The following ARHGAP27 variants were observed in gnomAD, a reference collection of about 807,000 sequenced individuals.
ARHGAP27 encodes rho GTPase-activating protein 27.
A neutral mutation model predicts 102.0 loss-of-function variants in ARHGAP27; 53 were observed. The observed-to-expected ratio is 0.52, with a 90% CI of 0.42 to 0.65. ARHGAP27 has a LOEUF of 0.65. Among genes scored for constraint, ARHGAP27 ranks in the 30% least tolerant of loss-of-function variants. The probability of loss-of-function intolerance (pLI) is 0.00; values close to 1 mark genes in which losing one functional copy is unlikely to be tolerated. For missense variants in ARHGAP27, 1,117 were observed against 1,256.2 expected, an observed-to-expected ratio of 0.89 and a Z score of 1.68; for synonymous variants, 525 against 542.8, an observed-to-expected ratio of 0.97 and a Z score of 0.46.
At chr17:45,397,856 G>T in intron 13 of ARHGAP27, 93 bp downstream of exon 13, 1 of 1,134,900 alleles carries the variant, frequency 8.8e-7, no homozygotes, top group South Asian at 1.7e-5. Context: ...ATTACCCACT[G>T]GTACCTTAGA....
intron 4 of ARHGAP27, chr17:45,409,935 A>C: frequency 2.4e-6 from 1 of 420,490 alleles, no homozygotes; most frequent in Non-Finnish European, 4.2e-6. Flanking sequence ...CCAGAGGAGG[A>C]GCCAAGAGGG....
chr17:45,404,829 G>C (rs1178246385), intron 6 of ARHGAP27, 95 bp downstream of exon 6: 5 of 1,569,814 alleles, frequency 3.2e-6, no homozygotes, highest in Non-Finnish European at 4.4e-6. Flanking sequence ...CTCTGTGTGG[G>C]AGCTGCGGTT....
chr17:45,428,056 C>T (rs2049780930), intron 4 of ARHGAP27, among the ~76,000 whole-genome samples: 1 of 152,240 alleles, frequency 6.6e-6, no homozygotes, highest in Non-Finnish European at 1.5e-5. Flanking sequence ...TCTCAACACA[C>T]ACTCTCTGTG....
rs991470580 is a variant in ARHGAP27, at chr17:45,430,899, T to C, written c.-18-602A>G. ...TGGGGGCTGTCGCTGCCCCCCTTAG[T>C]CCGAGGGCCTTGCTGTAGAGGCCTC... On this transcript the variant is annotated intron_variant, in intron 3 of 19. Coordinates refer to ENST00000685559, the MANE Select transcript of ARHGAP27 (RefSeq NM_001282290.2). The surrounding 1 kb of genome is among the most constrained non-coding windows in gnomAD (Gnocchi z 4.4). 6.6e-6 allele frequency among the ~76,000 whole-genome samples: 1 copy of C among 152,002 alleles called. No homozygotes were observed. Among genetic ancestry groups the C allele is most frequent in the African/African-American group, 2.4e-5 (1 of 41,374 alleles).
At chr17:45,419,084 G>A (rs1455068203) in intron 4 of ARHGAP27, among the ~76,000 whole-genome samples, 1 of 152,156 alleles carries the variant, frequency 6.6e-6, no homozygotes, top group African/African-American at 2.4e-5. Flanking sequence ...GGAACAGAGA[G>A]AACCACCAAA....
At chr17:45,428,026 G>A (rs561216522) in intron 4 of ARHGAP27, among the ~76,000 whole-genome samples, 77 of 152,330 alleles carry the variant, frequency 5.1e-4, no homozygotes, top group African/African-American at 1.6e-3. Flanking sequence ...ATAGGTAAAG[G>A]GCTGCCGCAC....
In ARHGAP27 at chr17:45,431,671, C is replaced by T; in HGVS notation, c.-69G>A. ...CCATGGGCTGGGTGGGCGGAGCCGGCGGTGGCTGCAGGTTAGGCCCCTACC... is the reference window on the plus strand; with the variant it reads ...CCATGGGCTGGGTGGGCGGAGCCGGTGGTGGCTGCAGGTTAGGCCCCTACC... On this transcript the variant is annotated 5_prime_UTR_variant, in exon 3 of 20. Coordinates refer to ENST00000685559, the MANE Select transcript of ARHGAP27 (RefSeq NM_001282290.2). The T allele has an allele frequency of 5.7e-6, 1 of 175,012 alleles. No individual in the cohort carries two copies. Among genetic ancestry groups the T allele is most frequent in the East Asian group, 1.9e-4 (1 of 5,260 alleles). The allele number at this position is 175,012 out of a possible 1,614,324, so 10.8% of individuals were successfully genotyped here. A position where few individuals can be genotyped will look rare whatever the true frequency, so the allele number is the denominator to read the frequency against.
chr17:45,413,096 C>T (rs1294261847), intron 4 of ARHGAP27, among the ~76,000 whole-genome samples: 1 of 147,230 alleles, frequency 6.8e-6, no homozygotes, highest in Non-Finnish European at 1.5e-5. Flanking sequence ...TCTCCTGCCT[C>T]AGCTTCCTGA....
At chr17:45,419,932 T>C (rs2048872237) in intron 4 of ARHGAP27, among the ~76,000 whole-genome samples, 2 of 152,210 alleles carry the variant, frequency 1.3e-5, no homozygotes, top group African/African-American at 4.8e-5. Flanking sequence ...ATACATTTTA[T>C]GGTCAGGTTG....
At position 45,402,886 on chromosome 17, in the gene ARHGAP27, C is replaced by T. The variant is rs2046613395; in HGVS notation, c.1639-68G>A. On this transcript the variant is annotated intron_variant, in intron 11 of 19. Transcript: ENST00000685559. The stretch of plus-strand genomic sequence containing the variant: ...ATGTGTCTGCTGTGGCACTCTGACC[C>T]TAGGAATAGGATGGGGTCACTGGCA... 4 of 1,364,338 alleles carry T rather than the reference C, an allele frequency of 2.9e-6. No homozygotes were observed. In the South Asian group the frequency reaches 3.6e-5, roughly 12 times the overall value. The allele number at this position is 1,364,338 out of a possible 1,614,324, so 84.5% of individuals were successfully genotyped here.
At position 45,396,232 on chromosome 17, in the gene ARHGAP27, C is replaced by A. The variant is rs759726287; in HGVS notation, c.2226G>T (p.Gln742His). 15 of 1,613,502 alleles carry A rather than the reference C, an allele frequency of 9.3e-6. No homozygotes were observed. Among genetic ancestry groups the A allele is most frequent in the Non-Finnish European group, 1.3e-5 (15 of 1,179,744 alleles). ...CGTGGTCCACCTTATAGCGTAGCTT[C>A]TGGATGGTGGCCAGGTTTCCACTGA... ...YRISGNLATI[Q>H]KLRYKVDHDE... is the part of the protein sequence containing the mutation. Residue 742 changes from glutamine (Q) to histidine (H), a missense_variant, in exon 17 of 20, where the codon CAG becomes CAT. Coordinates refer to ENST00000685559, the MANE Select transcript of ARHGAP27 (RefSeq NM_001282290.2).
Position 45,405,712 on chromosome 17 carries a change from C to T in ARHGAP27, c.1029G>A (p.Gln343=). The change falls in exon 5 of 20, where the codon CAG becomes CAA. Residue 343 remains glutamine (Q), a synonymous_variant. Coordinates refer to ENST00000685559, the MANE Select transcript of ARHGAP27 (RefSeq NM_001282290.2). ...CTGGGCTGCCAGGGCTCAGGCCCGGCTGCATCTCCAACTCCTCCTCGGGCT... is the reference window on the plus strand; with the variant it reads ...CTGGGCTGCCAGGGCTCAGGCCCGGTTGCATCTCCAACTCCTCCTCGGGCT... The part of the protein sequence containing the change: ...ENEPEEELEM[Q]PGLSPGSPGD... 6.2e-7 allele frequency: 1 copy of T among 1,603,346 alleles called. No individual in the cohort carries two copies. Among genetic ancestry groups the T allele is most frequent in the Non-Finnish European group, 8.5e-7 (1 of 1,179,088 alleles).
chr17:45,429,725 G>T lies in ARHGAP27; in HGVS notation c.555C>A (p.Gly185=). 1 of 1,544,306 alleles carries T rather than the reference G, an allele frequency of 6.5e-7. No individual in the cohort carries two copies. The stretch of plus-strand genomic sequence containing the variant: ...CCAGAGGCCGCGGGCACACCCAGGA[G>T]CCCGCCACGCTGCAGGCCTTGAAGC... ...SGSFKACSVA[G]SWVCPRPLAR... Residue 185 remains glycine, a synonymous_variant, in exon 4 of 20, where the codon GGC becomes GGA. Coordinates refer to ENST00000685559, the MANE Select transcript of ARHGAP27 (RefSeq NM_001282290.2).
At chr17:45,402,860 G>T in intron 11 of ARHGAP27, 42 bp from the exon 12 acceptor site, 1 of 1,524,252 alleles carries the variant, frequency 6.6e-7, no homozygotes, top group Non-Finnish European at 9.1e-7. Context: ...CCTCAGTTCA[G>T]ATGTGTCTGC....
rs893851153 is a variant in ARHGAP27, at chr17:45,396,450, C to T, written c.2173+37G>A. 5 of 1,496,776 alleles carry T rather than the reference C, an allele frequency of 3.3e-6. No individual in the cohort carries two copies. In the African/African-American group the frequency reaches 6.9e-5, roughly 21 times the overall value. The allele number at this position is 1,496,776 out of a possible 1,614,324, so 92.7% of individuals were successfully genotyped here. A position where few individuals can be genotyped will look rare whatever the true frequency, so the allele number is the denominator to read the frequency against. On this transcript the variant is annotated intron_variant, in intron 16 of 19. Coordinates refer to ENST00000685559, the MANE Select transcript of ARHGAP27 (RefSeq NM_001282290.2). ...TCCTGGCAGGAGGCCTGCGGGCACC[C>T]CAATGCCTGCCGCCCTCACCCCCGC...
At chr17:45,410,557 A>G in intron 4 of ARHGAP27, 1 of 662,996 alleles carries the variant, frequency 1.5e-6, no homozygotes, top group Non-Finnish European at 2.2e-6. Context: ...ATGACCAGTG[A>G]GCCGCATCCG....
chr17:45,416,045 G>GTTTGTTT (rs1230426797), intron 4 of ARHGAP27, among the ~76,000 whole-genome samples: 2 of 135,086 alleles, frequency 1.5e-5, no homozygotes, highest in African/African-American at 5.3e-5. Context: ...TTTTTTTTTT[G>GTTTGTTT]TTTGTTTTTT....
intron 4 of ARHGAP27, among the ~76,000 whole-genome samples, chr17:45,416,197 C>T (rs1222813963): frequency 6.6e-6 from 1 of 151,914 alleles, no homozygotes; most frequent in Non-Finnish European, 1.5e-5. Flanking sequence ...AGGCGCACGC[C>T]ACCAGGCCCA....
intron 4 of ARHGAP27, 124 bp downstream of exon 4, chr17:45,429,499 C>T: frequency 6.6e-7 from 1 of 1,513,972 alleles, no homozygotes; most frequent in South Asian, 1.3e-5. Flanking sequence ...CATCCGAAGT[C>T]TTCGGACAGA....
Sources: allele counts gnomAD v4.1 joint callset (sites outside exome capture counted in the v4.1 genomes callset), GRCh38; gene constraint gnomAD v4.1.1; non-coding constraint Gnocchi (gnomAD v3.1); transcripts MANE v1.5; gene names NCBI Gene and HGNC (gene_info 2026-07-23, HGNC 2026-07-21).